Variants in TALDO1 observed in about 807,000 individuals in gnomAD.
TALDO1 encodes the protein transaldolase.
A neutral mutation model predicts 38.1 loss-of-function variants in TALDO1; 29 were observed. That is an observed-to-expected ratio of 0.76 (90% CI 0.57 to 1.04). The LOEUF is 1.04. TALDO1 is among the 50% of genes least tolerant of loss of function. The probability of loss-of-function intolerance (pLI) is 0.00; values close to 1 mark genes in which losing one functional copy is unlikely to be tolerated. For synonymous variants in TALDO1, 207 were observed against 176.8 expected (o/e 1.17, Z -1.36); for missense variants, 499 against 438.1 (o/e 1.14, Z -1.24).
At chr11:747,671 C>A in intron 1 of TALDO1, 93 bp downstream of exon 1, 1 of 1,175,690 alleles carries the variant, frequency 8.5e-7, no homozygotes, top group Non-Finnish European at 1.2e-6. Context: ...GGGACGCGGA[C>A]CGGGTGGCGG....
chr11:760,008 G>A (rs141639956), intron 3 of TALDO1, 114 bp from the exon 4 acceptor site: 10 of 1,448,542 alleles, frequency 6.9e-6, no homozygotes, highest in African/African-American at 5.6e-5. Context: ...GGCAGTGGTT[G>A]GTGCTCACGG....
chr11:763,189 G>GT (rs1862971657), intron 4 of TALDO1, among the ~76,000 whole-genome samples, 155 bp from the exon 5 acceptor site: 1 of 104,046 alleles, frequency 9.6e-6, no homozygotes, highest in African/African-American at 4.0e-5. Context: ...GCATTCACCT[G>GT]CCCCGCCCTC....
At chr11:764,704 A>AC in intron 7 of TALDO1, 109 bp from the exon 8 acceptor site, 1 of 1,561,024 alleles carries the variant, frequency 6.4e-7, no homozygotes, top group Non-Finnish European at 8.8e-7. Context: ...GCCCCCACAC[A>AC]GAGTGCAGAC....
At chr11:748,814 TG>T (rs1365695508) in intron 1 of TALDO1, among the ~76,000 whole-genome samples, 25 of 152,350 alleles carry the variant, frequency 1.6e-4, no homozygotes, top group African/African-American at 5.8e-4. Flanking sequence ...GCCCCCCCGT[TG>T]TAGTCCAGAC....
Position 764,811 on chromosome 11 carries a change from A to G in TALDO1, c.982-2A>G. ...CACAGCTCGTGCTCTGTTTGTTTCT[A>G]GGAACGAATGTTCAATGCAGAGAAT... On this transcript the variant is annotated splice_acceptor_variant, in intron 7 of 7. Coordinates refer to ENST00000319006, the MANE Select transcript of TALDO1 (RefSeq NM_006755.2). LOFTEE classifies it high-confidence loss of function. 6.2e-7 allele frequency: 1 copy of G among 1,614,162 alleles called. No individual in the cohort carries two copies. Among genetic ancestry groups the G allele is most frequent in the Non-Finnish European group, 8.5e-7 (1 of 1,180,028 alleles).
intron 4 of TALDO1, chr11:760,654 T>A (rs978039773): frequency 4.2e-6 from 1 of 237,594 alleles, no homozygotes; most frequent in Non-Finnish European, 8.5e-6. Flanking sequence ...ATGCCTGTAA[T>A]CCCAGCAATT....
At chr11:759,987 G>T in intron 3 of TALDO1, 135 bp from the exon 4 acceptor site, 2 of 1,241,376 alleles carry the variant, frequency 1.6e-6, no homozygotes, top group Non-Finnish European at 2.3e-6. Context: ...TCCAGTGAGG[G>T]GAAGGTTGAG....
chr11:755,636 C>T (rs1013614376), intron 1 of TALDO1: 2 of 551,126 alleles, frequency 3.6e-6, no homozygotes, highest in Non-Finnish European at 6.6e-6. Context: ...TACAGGTCAC[C>T]TCTTGCAGGG....
At chr11:748,991 G>A (rs747966072) in intron 1 of TALDO1, among the ~76,000 whole-genome samples, 6 of 152,190 alleles carry the variant, frequency 3.9e-5, no homozygotes, top group Non-Finnish European at 7.3e-5. Context: ...GAGCTGGTGC[G>A]GAGTGTCAGG....
At chr11:763,250 C>A (rs1372264184) in intron 4 of TALDO1, 94 bp from the exon 5 acceptor site, 1 of 137,242 alleles carries the variant, frequency 7.3e-6, no homozygotes, top group Non-Finnish European at 1.5e-5. Flanking sequence ...CGCCCTCACC[C>A]ATCCCCGCCC....
chr11:751,692 G>A (rs1862754038), intron 1 of TALDO1, among the ~76,000 whole-genome samples: 1 of 152,150 alleles, frequency 6.6e-6, no homozygotes, highest in Non-Finnish European at 1.5e-5. Flanking sequence ...CTACTCGAGA[G>A]GCTGAGGCGA....
chr11:760,020 G>A, intron 3 of TALDO1, 102 bp from the exon 4 acceptor site: 1 of 1,539,778 alleles, frequency 6.5e-7, no homozygotes. Context: ...TGCTCACGGT[G>A]GTGCTGCTCA....
chr11:755,814 T>C, intron 1 of TALDO1, 65 bp from the exon 2 acceptor site: 2 of 1,612,926 alleles, frequency 1.2e-6, no homozygotes, highest in Non-Finnish European at 1.7e-6. Context: ...ACAGGGTTCC[T>C]TCACATGTTT....
Position 747,504 on chromosome 11 carries a change from G to T in TALDO1, c.23G>T (p.Arg8Leu). The T allele has an allele frequency of 6.2e-7, 1 of 1,600,032 alleles. No homozygotes were observed. Among genetic ancestry groups the T allele is most frequent in the African/African-American group, 1.4e-5 (1 of 73,168 alleles). ...GCTATGTCGAGCTCACCCGTGAAGC[G>T]TCAGAGGATGGAGTCCGCGCTGGAC... MSSSPVK[R>L]QRMESALDQL... Residue 8 changes from arginine to leucine, a missense_variant, in exon 1 of 8, where the codon CGT becomes CTT. Coordinates refer to ENST00000319006, the MANE Select transcript of TALDO1 (RefSeq NM_006755.2).
chr11:751,165 TGATCCCCCCACCTCAGC>T (rs1435283307), intron 1 of TALDO1, among the ~76,000 whole-genome samples: 1 of 151,802 alleles, frequency 6.6e-6, no homozygotes, highest in Non-Finnish European at 1.5e-5. Context: ...TGGGCTGAGG[TGATCCCCCCACCTCAGC>T]CTCCCAAGTA....
chr11:751,475 G>C (rs1286224240), intron 1 of TALDO1, among the ~76,000 whole-genome samples: 1 of 152,118 alleles, frequency 6.6e-6, no homozygotes, highest in African/African-American at 2.4e-5. Context: ...TTCGGGACCA[G>C]CCTGGGCAAC....
chr11:761,602 A>G (rs1270403096), intron 4 of TALDO1, among the ~76,000 whole-genome samples: 2 of 152,244 alleles, frequency 1.3e-5, no homozygotes, highest in Non-Finnish European at 2.9e-5. Context: ...GAAGCAGCCA[A>G]TGCTATACTC....
rs1590069025 is a variant in TALDO1 at position 756,183 on chromosome 11, G to T, written c.221+181G>T. ...AATCTGCATGAAGTAACCTGCACCTGTGGTAAATGAGCAGTTCAGAGAGTT... is the reference window on the plus strand; with the variant it reads ...AATCTGCATGAAGTAACCTGCACCTTTGGTAAATGAGCAGTTCAGAGAGTT... On this transcript the variant is annotated intron_variant, in intron 2 of 7. Coordinates refer to ENST00000319006, the MANE Select transcript of TALDO1 (RefSeq NM_006755.2). The T allele has an allele frequency of 3.5e-6, 3 of 854,766 alleles. No individual in the cohort carries two copies. In the East Asian group the frequency reaches 8.1e-5, roughly 23 times the overall value. The allele number at this position is 854,766 out of a possible 1,614,324, so 52.9% of individuals were successfully genotyped here.
intron 2 of TALDO1, 90 bp from the exon 3 acceptor site, chr11:758,860 C>A: frequency 1.0e-6 from 1 of 991,700 alleles, no homozygotes; most frequent in South Asian, 1.3e-5. Flanking sequence ...CCACCTCGGC[C>A]TCCCAAAGTG....
Sources: gnomAD v4.1 joint callset for allele counts (sites outside exome capture counted in the v4.1 genomes callset) on GRCh38, gnomAD v4.1.1 for gene constraint, MANE v1.5 for transcripts, NCBI Gene and HGNC (gene_info 2026-07-23, HGNC 2026-07-21) for gene names.